DLC1: variants seen among roughly 807,000 people sequenced by gnomAD.
DLC1 encodes the protein DLC1 Rho GTPase activating protein.
A neutral mutation model predicts 140.3 loss-of-function variants in DLC1; 54 were observed. The observed-to-expected ratio is 0.38, with a 90% CI of 0.31 to 0.48. The LOEUF is 0.48. Among genes scored for constraint, DLC1 ranks in the 20% least tolerant of loss-of-function variants. The pLI, the probability that DLC1 is intolerant of heterozygous loss-of-function variation, is 0.96. For missense variants in DLC1, 2,536 were observed against 1,907.0 expected (o/e 1.33, Z -6.14); for synonymous variants, 986 against 728.1 (o/e 1.35, Z -5.70).
chr8:13,395,465 G>A (rs780317744), intron 3 of DLC1, among the ~76,000 whole-genome samples: 1 of 152,082 alleles, frequency 6.6e-6, no homozygotes, highest in African/African-American at 2.4e-5. Flanking sequence ...TCTATGCATC[G>A]CAAGAGTAAG....
At position 13,086,079 on chromosome 8, in the gene DLC1, T is replaced by C; in HGVS notation, c.4467-148A>G. ...TCATGGCCGAGCTACCATATTTGCT[T>C]TGCTTTAGAACCACATTTTCTAAGG... On this transcript the variant is annotated intron_variant, in intron 17 of 17. Transcript: ENST00000276297. 4 of 1,404,432 alleles carry C rather than the reference T, an allele frequency of 2.8e-6. No homozygotes were observed. The South Asian group carries it at 6.0e-5, about 21-fold the overall frequency. 87.0% of individuals were successfully genotyped at this position (1,404,432 alleles called of 1,614,324 possible). A position where few individuals can be genotyped will look rare whatever the true frequency, so the allele number is the denominator to read the frequency against.
chr8:13,499,192 G>T lies in DLC1; in HGVS notation c.880C>A (p.Leu294Met). The stretch of plus-strand genomic sequence containing the variant: ...TGTTGTGAAAAACCACTCTTCTCCA[G>T]GCCATTTTCAGCTGACATTCCATTG... ...CPNGMSAENGLEKSGFSQHQN... is the reference protein window; with the variant it reads ...CPNGMSAENGMEKSGFSQHQN... The change falls in exon 2 of 18, where the codon CTG (leucine) becomes ATG (methionine). Residue 294 changes from leucine to methionine, a missense_variant. Physicochemically the swap from Leu to Met is conservative, Grantham distance 15 (BLOSUM62 2). Coordinates refer to ENST00000276297, the MANE Select transcript of DLC1 (RefSeq NM_182643.3). 6.2e-7 allele frequency: 1 copy of T among 1,614,142 alleles called. No individual in the cohort carries two copies. The highest frequency in any genetic ancestry group is 8.5e-7 in the Non-Finnish European group (1 of 1,180,012).
At chr8:13,130,116 C>T (rs1247188171) in intron 5 of DLC1, among the ~76,000 whole-genome samples, 2 of 152,174 alleles carry the variant, frequency 1.3e-5, no homozygotes, top group Non-Finnish European at 2.9e-5. Context: ...TTTCCAATTG[C>T]ATATTTACCC....
chr8:13,292,507 A>G (rs956589018), intron 5 of DLC1, among the ~76,000 whole-genome samples: 1 of 152,220 alleles, frequency 6.6e-6, no homozygotes, highest in Non-Finnish European at 1.5e-5. Flanking sequence ...CTAAAGTCAT[A>G]AAAGAAGAAG....
chr8:13,376,747 T>C (rs552594822), intron 4 of DLC1, among the ~76,000 whole-genome samples: 1 of 152,310 alleles, frequency 6.6e-6, no homozygotes, highest in Non-Finnish European at 1.5e-5. Context: ...AAATTCCTGC[T>C]TTCACCCACA....
At chr8:13,291,198 T>A (rs896477353) in intron 5 of DLC1, among the ~76,000 whole-genome samples, 2 of 152,128 alleles carry the variant, frequency 1.3e-5, no homozygotes, top group Non-Finnish European at 2.9e-5. Context: ...CATGAGCCAC[T>A]GCGCCTGGCC....
intron 1 of DLC1, among the ~76,000 whole-genome samples, chr8:13,544,439 A>G (rs927165827): frequency 1.3e-5 from 2 of 152,206 alleles, no homozygotes; most frequent in African/African-American, 2.4e-5. Flanking sequence ...ATCTGTACAT[A>G]GAAGATTAAA....
intron 1 of DLC1, among the ~76,000 whole-genome samples, chr8:13,521,863 C>T (rs564696424): frequency 3.3e-5 from 5 of 152,302 alleles, no homozygotes; most frequent in African/African-American, 9.6e-5. Flanking sequence ...TATCCATCCA[C>T]ACATTCAAGT....
intron 1 of DLC1, among the ~76,000 whole-genome samples, chr8:13,530,279 G>A (rs1020818799): frequency 7.9e-5 from 12 of 152,054 alleles, no homozygotes; most frequent in Admixed American, 3.3e-4. Flanking sequence ...CTGGTCTTGC[G>A]AATATGTCCA....
intron 1 of DLC1, among the ~76,000 whole-genome samples, chr8:13,588,044 A>C (rs148964371): frequency 7.2e-5 from 11 of 152,184 alleles, no homozygotes; most frequent in African/African-American, 2.6e-4. Flanking sequence ...CTTACACCAG[A>C]GGTTAAGAGC....
At chr8:13,431,655 A>G (rs947791693) in intron 2 of DLC1, among the ~76,000 whole-genome samples, 2 of 151,652 alleles carry the variant, frequency 1.3e-5, no homozygotes, top group African/African-American at 4.9e-5. Flanking sequence ...TCTGCTTTAG[A>G]AAGAATGTTC....
intron 1 of DLC1, among the ~76,000 whole-genome samples, chr8:13,579,350 TATATA>T (rs1349152621): frequency 1.2e-4 from 4 of 33,190 alleles, no homozygotes; most frequent in East Asian, 1.5e-3. Context: ...TATATATATA[TATATA>T]TATATATTTT....
intron 4 of DLC1, among the ~76,000 whole-genome samples, chr8:13,347,283 C>G (rs1047890300): frequency 2.6e-5 from 4 of 152,178 alleles, no homozygotes; most frequent in African/African-American, 4.8e-5. Flanking sequence ...CTCTATCTTG[C>G]TTTTTGAAAA....
intron 5 of DLC1, among the ~76,000 whole-genome samples, chr8:13,121,995 A>G (rs1438960622): frequency 2.0e-5 from 3 of 152,026 alleles, no homozygotes; most frequent in African/African-American, 7.2e-5. Flanking sequence ...GCCAGATAAC[A>G]TTTCTTTGTA....
intron 5 of DLC1, among the ~76,000 whole-genome samples, chr8:13,188,415 G>A (rs1344809191): frequency 8.7e-4 from 27 of 31,130 alleles, no homozygotes; most frequent in African/African-American, 3.0e-3. Context: ...GCAAGACTCC[G>A]TCTCAAAAAA....
At chr8:13,168,175 C>T (rs1030531607) in intron 5 of DLC1, among the ~76,000 whole-genome samples, 2 of 152,188 alleles carry the variant, frequency 1.3e-5, no homozygotes, top group Non-Finnish European at 2.9e-5. Flanking sequence ...CATAAAACGT[C>T]TATCTCTAAG....
intron 5 of DLC1, among the ~76,000 whole-genome samples, chr8:13,123,162 C>T (rs1457191842): frequency 6.6e-6 from 1 of 152,138 alleles, no homozygotes; most frequent in Non-Finnish European, 1.5e-5. Context: ...GTTTGTTAAG[C>T]CCGAAGTGAC....
At chr8:13,259,394 A>G (rs1191452112) in intron 5 of DLC1, among the ~76,000 whole-genome samples, 1 of 152,182 alleles carries the variant, frequency 6.6e-6, no homozygotes, top group Non-Finnish European at 1.5e-5. Flanking sequence ...TACAGATTTT[A>G]CAAAAACACC....
rs377455430 is a variant in DLC1, at chr8:13,232,341, C to CT, written c.1348+72927dup. On this transcript the variant is annotated intron_variant, in intron 5 of 17. Transcript: ENST00000276297. The stretch of plus-strand genomic sequence containing the variant: ...TCCAACCTGATGATTCTGCTACAGT[C>CT]TTTTTTTTTTGAGACAGAATCTTGC... 9.7e-3 allele frequency among the ~76,000 whole-genome samples: 1,450 copies of CT among 149,046 alleles called. 15 individuals are homozygous for CT. Among genetic ancestry groups the CT allele is most frequent in the African/African-American group, 0.015 (616 of 40,762 alleles).
Sources: gnomAD v4.1 joint callset for allele counts (sites outside exome capture counted in the v4.1 genomes callset) on GRCh38, gnomAD v4.1.1 for gene constraint, MANE v1.5 for transcripts, NCBI Gene and HGNC (gene_info 2026-07-23, HGNC 2026-07-21) for gene names.